GPATCH2: variants seen among roughly 807,000 people sequenced by gnomAD.
GPATCH2 encodes the protein G-patch domain containing 2, also known as G patch domain-containing protein 2.
A neutral mutation model predicts 58.0 loss-of-function variants in GPATCH2; 51 were observed. That is an observed-to-expected ratio of 0.88 (90% confidence interval 0.70 to 1.11). GPATCH2 has a LOEUF of 1.11. GPATCH2 is among the 50% of genes most tolerant of loss of function. The pLI is 0.00. For synonymous variants in GPATCH2, 222 were observed against 218.5 expected, an observed-to-expected ratio of 1.02 and a Z score of -0.14; for missense variants, 625 against 652.2, an observed-to-expected ratio of 0.96 and a Z score of 0.45.
At chr1:217,442,664 C>G (rs10157468) in intron 9 of GPATCH2, among the ~76,000 whole-genome samples, 37,560 of 152,014 alleles carry the variant, frequency 0.25, 4,820 homozygotes, top group Middle Eastern at 0.37. Context: ...TGAAATACCT[C>G]AAGATTCATT....
intron 8 of GPATCH2, among the ~76,000 whole-genome samples, chr1:217,458,534 G>A (rs1260638671): frequency 6.6e-6 from 1 of 152,114 alleles, no homozygotes; most frequent in Admixed American, 6.6e-5. Flanking sequence ...ATCGATTCGA[G>A]AGACCTGCTG....
chr1:217,435,372 A>G (rs1055595839), intron 9 of GPATCH2, among the ~76,000 whole-genome samples: 2 of 152,210 alleles, frequency 1.3e-5, no homozygotes, highest in Non-Finnish European at 2.9e-5. Flanking sequence ...ATTCACTTGC[A>G]TAATTGGCTC....
At chr1:217,585,990 A>AC (rs1667322101) in intron 5 of GPATCH2, among the ~76,000 whole-genome samples, 1 of 152,146 alleles carries the variant, frequency 6.6e-6, no homozygotes, top group Admixed American at 6.6e-5. Flanking sequence ...AAAATCTATA[A>AC]TAAAAAATAT....
intron 8 of GPATCH2, among the ~76,000 whole-genome samples, chr1:217,460,139 T>C (rs1383702113): frequency 1.3e-5 from 2 of 152,222 alleles, no homozygotes; most frequent in African/African-American, 2.4e-5. Flanking sequence ...AATTTTTACA[T>C]AATGTAATCC....
intron 5 of GPATCH2, among the ~76,000 whole-genome samples, chr1:217,584,436 G>C (rs903955276): frequency 3.3e-5 from 5 of 150,780 alleles, no homozygotes; most frequent in African/African-American, 1.2e-4. Context: ...GGCTGAGGCA[G>C]GAGAGTTGCT....
intron 5 of GPATCH2, among the ~76,000 whole-genome samples, chr1:217,556,794 A>T (rs1168068503): frequency 6.6e-6 from 1 of 152,146 alleles, no homozygotes; most frequent in African/African-American, 2.4e-5. Flanking sequence ...AAAATAGATA[A>T]ATCAGTGTGT....
intron 6 of GPATCH2, among the ~76,000 whole-genome samples, chr1:217,508,033 TTAA>T (rs1386280400): frequency 1.3e-5 from 2 of 152,108 alleles, no homozygotes; most frequent in African/African-American, 2.4e-5. Flanking sequence ...CATACCTAGT[TTAA>T]TAATATTTCT....
chr1:217,536,300 A>T (rs1664458772), intron 5 of GPATCH2, among the ~76,000 whole-genome samples: 1 of 152,152 alleles, frequency 6.6e-6, no homozygotes, highest in African/African-American at 2.4e-5. Flanking sequence ...GATTTCATAG[A>T]TTTTCTGTAA....
chr1:217,540,317 T>G (rs1664674615), intron 5 of GPATCH2, among the ~76,000 whole-genome samples: 1 of 152,174 alleles, frequency 6.6e-6, no homozygotes, highest in South Asian at 2.1e-4. Context: ...ATCTGGCTGC[T>G]AGGTACTATT....
At chr1:217,523,751 C>G (rs1244753223) in intron 5 of GPATCH2, among the ~76,000 whole-genome samples, 3 of 148,450 alleles carry the variant, frequency 2.0e-5, no homozygotes, top group Admixed American at 6.6e-5. Context: ...TAGGGGCGGC[C>G]GGGCAGAGGC....
chr1:217,431,392 T>C, intron 9 of GPATCH2, 27 bp from the exon 10 acceptor site: 1 of 1,162,982 alleles, frequency 8.6e-7, no homozygotes, highest in Non-Finnish European at 1.3e-6. Flanking sequence ...ACAGCACACA[T>C]TAATCAGTAT....
At chr1:217,573,989 T>G (rs1184756139) in intron 5 of GPATCH2, among the ~76,000 whole-genome samples, 1 of 152,212 alleles carries the variant, frequency 6.6e-6, no homozygotes, top group East Asian at 1.9e-4. Context: ...GAGAATGGTT[T>G]GCTTGGCAAA....
At chr1:217,589,563 A>C (rs1667496224) in intron 5 of GPATCH2, among the ~76,000 whole-genome samples, 1 of 152,198 alleles carries the variant, frequency 6.6e-6, no homozygotes, top group Non-Finnish European at 1.5e-5. Flanking sequence ...AACCAAATCT[A>C]TATTACATTC....
chr1:217,455,778 C>A (rs1659913915), intron 8 of GPATCH2, among the ~76,000 whole-genome samples: 1 of 151,942 alleles, frequency 6.6e-6, no homozygotes, highest in Non-Finnish European at 1.5e-5. Context: ...TGTTTTTGCG[C>A]CCAAAAGTTG....
chr1:217,572,275 C>T (rs74142477), intron 5 of GPATCH2, among the ~76,000 whole-genome samples: 37 of 152,158 alleles, frequency 2.4e-4, no homozygotes, highest in African/African-American at 8.4e-4. Context: ...TTCTGTGTAA[C>T]TCGAGAGAGT....
intron 7 of GPATCH2, among the ~76,000 whole-genome samples, chr1:217,493,894 T>A: frequency 6.6e-6 from 1 of 152,076 alleles, no homozygotes; most frequent in East Asian, 1.9e-4. Context: ...ACTTGAACAC[T>A]ATTCCTGAGG....
At chr1:217,464,921 A>G (rs1271766057) in intron 8 of GPATCH2, among the ~76,000 whole-genome samples, 2 of 152,160 alleles carry the variant, frequency 1.3e-5, no homozygotes, top group Non-Finnish European at 2.9e-5. Context: ...TACTCTAGAT[A>G]TGCCCACAAA....
intron 6 of GPATCH2, among the ~76,000 whole-genome samples, chr1:217,511,868 CTTAT>C (rs747193257): frequency 6.6e-6 from 1 of 151,424 alleles, no homozygotes; most frequent in Admixed American, 6.6e-5. Flanking sequence ...TGCCTGTATA[CTTAT>C]TTATTTGTGT....
chr1:217,473,489 C>T (rs1343140105), intron 8 of GPATCH2, among the ~76,000 whole-genome samples: 2 of 151,976 alleles, frequency 1.3e-5, no homozygotes, highest in African/African-American at 4.8e-5. Context: ...CCCGAATTGT[C>T]ATCATGGTTT....
Sources: gnomAD v4.1 joint callset for allele counts (sites outside exome capture counted in the v4.1 genomes callset) on GRCh38, gnomAD v4.1.1 for gene constraint, MANE v1.5 for transcripts, NCBI Gene and HGNC (gene_info 2026-07-23, HGNC 2026-07-21) for gene names.